Variants in CENPP observed in about 807,000 individuals in gnomAD.
CENPP encodes centromere protein P.
Under a neutral mutation model 35.6 loss-of-function variants are expected in CENPP, and 24 were observed. That is an observed-to-expected ratio of 0.67 (90% CI 0.49 to 0.95). CENPP has a LOEUF of 0.95. CENPP is among the 40% of genes least tolerant of loss of function. The pLI is 0.00. For missense variants in CENPP, 332 were observed against 345.3 expected (o/e 0.96, Z 0.31); for synonymous variants, 120 against 125.5 (o/e 0.96, Z 0.29).
chr9:92,595,235 G>T (rs1215944236), intron 5 of CENPP, among the ~76,000 whole-genome samples: 1 of 151,890 alleles, frequency 6.6e-6, no homozygotes, highest in African/African-American at 2.4e-5. Flanking sequence ...TTGACTTCAT[G>T]GTTTATTTGT....
intron 5 of CENPP, among the ~76,000 whole-genome samples, chr9:92,419,046 T>A (rs1843704974): frequency 6.6e-6 from 1 of 152,258 alleles, no homozygotes; most frequent in Admixed American, 6.5e-5. Flanking sequence ...GAGAATCAAA[T>A]ACACGTGCAG....
intron 5 of CENPP, among the ~76,000 whole-genome samples, chr9:92,471,853 T>C (rs2131075953): frequency 6.6e-6 from 1 of 152,158 alleles, no homozygotes; most frequent in East Asian, 1.9e-4. Flanking sequence ...AGACACAGCG[T>C]TTCGCCATGT....
intron 5 of CENPP, among the ~76,000 whole-genome samples, chr9:92,500,391 C>T (rs1272140795): frequency 6.6e-6 from 1 of 152,226 alleles, no homozygotes; most frequent in African/African-American, 2.4e-5. Flanking sequence ...CCATGTTGGC[C>T]AGGCTGGCCT....
At chr9:92,444,723 T>C (rs899955445) in intron 5 of CENPP, among the ~76,000 whole-genome samples, 4 of 152,160 alleles carry the variant, frequency 2.6e-5, no homozygotes, top group African/African-American at 9.7e-5. Flanking sequence ...GGGGTGCCTG[T>C]GGGCGAGTAC....
intron 5 of CENPP, among the ~76,000 whole-genome samples, chr9:92,504,998 C>T (rs1288350080): frequency 1.3e-5 from 2 of 152,176 alleles, no homozygotes; most frequent in African/African-American, 4.8e-5. Flanking sequence ...TGGAGTTAGT[C>T]ACAGGACAGT....
chr9:92,582,621 C>G (rs1479463705), intron 5 of CENPP, among the ~76,000 whole-genome samples: 1 of 150,776 alleles, frequency 6.6e-6, no homozygotes, highest in African/African-American at 2.4e-5. Context: ...TAACGGTGTC[C>G]TTTCTGGAAA....
chr9:92,523,658 G>T (rs1053562094), intron 5 of CENPP, among the ~76,000 whole-genome samples: 1 of 152,182 alleles, frequency 6.6e-6, no homozygotes, highest in African/African-American at 2.4e-5. Context: ...TAGCAGTAGC[G>T]GTTTAAATGA....
At chr9:92,461,815 T>G (rs1475150162) in intron 5 of CENPP, among the ~76,000 whole-genome samples, 7 of 152,208 alleles carry the variant, frequency 4.6e-5, no homozygotes, top group Admixed American at 2.0e-4. Context: ...AGATTGTTTT[T>G]ATAGAAAAGG....
intron 5 of CENPP, among the ~76,000 whole-genome samples, chr9:92,407,159 G>T (rs1843328877): frequency 6.6e-6 from 1 of 152,174 alleles, no homozygotes; most frequent in South Asian, 2.1e-4. Context: ...AACCAGGCAA[G>T]CTTATTCTCA....
chr9:92,457,582 G>C lies in CENPP; in HGVS notation c.564+77723G>C. On this transcript the variant is annotated intron_variant, in intron 5 of 7. Transcript: ENST00000375587. Reference sequence around the variant, plus strand: ...CATTTGTTTGTGGGTTTATTCATCTGTTTATTTTACATTGGCTTGAATGTA... The same window carrying C: ...CATTTGTTTGTGGGTTTATTCATCTCTTTATTTTACATTGGCTTGAATGTA... 5.7e-6 allele frequency: 5 copies of C among 870,146 alleles called. No individual in the cohort carries two copies. In the Admixed American group the frequency reaches 7.3e-5, roughly 13 times the overall value. The allele number at this position is 870,146 out of a possible 1,614,324, so 53.9% of individuals were successfully genotyped here.
chr9:92,495,536 C>G, intron 5 of CENPP: 3 of 982,006 alleles, frequency 3.1e-6, no homozygotes, highest in Non-Finnish European at 3.6e-6. Flanking sequence ...TAAGCAAACT[C>G]TACTGCTTTT....
chr9:92,457,170 A>C, intron 5 of CENPP: 1 of 1,434,008 alleles, frequency 7.0e-7, no homozygotes, highest in Non-Finnish European at 9.1e-7. Context: ...TGGACTTACC[A>C]CTTGAGAATA....
chr9:92,377,529 T>A (rs1842151826), intron 4 of CENPP, among the ~76,000 whole-genome samples: 1 of 152,206 alleles, frequency 6.6e-6, no homozygotes, highest in South Asian at 2.1e-4. Flanking sequence ...CTTACAGTAC[T>A]ACAAAACGCT....
At chr9:92,416,012 G>C (rs953317699) in intron 5 of CENPP, among the ~76,000 whole-genome samples, 1 of 141,354 alleles carries the variant, frequency 7.1e-6, no homozygotes, top group Non-Finnish European at 1.5e-5. Flanking sequence ...ATATATAAAA[G>C]AGAATATATA....
At chr9:92,463,233 G>T (rs993621842) in intron 5 of CENPP, among the ~76,000 whole-genome samples, 1 of 152,170 alleles carries the variant, frequency 6.6e-6, no homozygotes, top group Non-Finnish European at 1.5e-5. Context: ...ATGATAACTT[G>T]TTGGGTCTGG....
At chr9:92,450,843 T>C (rs928521675) in intron 5 of CENPP, among the ~76,000 whole-genome samples, 6 of 152,136 alleles carry the variant, frequency 3.9e-5, no homozygotes, top group Admixed American at 6.6e-5. Context: ...TCTCTGATGG[T>C]CAGTGATGGT....
At chr9:92,334,617 C>T (rs558729487) in intron 2 of CENPP, among the ~76,000 whole-genome samples, 13 of 152,228 alleles carry the variant, frequency 8.5e-5, no homozygotes, top group South Asian at 6.2e-4. Context: ...CAGTGGCTCA[C>T]GCCTGTAATG....
intron 5 of CENPP, among the ~76,000 whole-genome samples, chr9:92,440,357 A>ATAAAT (rs1404413305): frequency 6.6e-6 from 1 of 150,526 alleles, no homozygotes; most frequent in African/African-American, 2.4e-5. Context: ...AAATAAATAA[A>ATAAAT]TAAATAAATA....
chr9:92,416,960 T>A, intron 5 of CENPP: 3 of 1,613,954 alleles, frequency 1.9e-6, no homozygotes. Flanking sequence ...TAGCAGAGAA[T>A]CATGAAGATA....
Sources: gnomAD v4.1 joint callset for allele counts (sites outside exome capture counted in the v4.1 genomes callset) on GRCh38, gnomAD v4.1.1 for gene constraint, MANE v1.5 for transcripts, NCBI Gene and HGNC (gene_info 2026-07-23, HGNC 2026-07-21) for gene names.